The following DLG5 variants were observed in gnomAD, a reference collection of about 807,000 sequenced individuals.
DLG5 encodes the protein disks large homolog 5.
In DLG5, 48 loss-of-function variants were observed where a neutral mutation model predicts 189.8. The ratio of observed to expected loss-of-function variants is 0.25; its 90% CI spans 0.20 to 0.32. The LOEUF (loss-of-function observed/expected upper bound fraction) is 0.32. DLG5 is among the 10% of genes least tolerant of loss of function. DLG5 has a pLI of 1.00. For missense variants in DLG5, 2,160 were observed against 2,544.7 expected (o/e 0.85, Z 3.25); for synonymous variants, 1,016 against 1,054.1 (o/e 0.96, Z 0.70).
At chr10:77,829,298 C>G in intron 12 of DLG5, 57 bp downstream of exon 12, 1 of 1,609,380 alleles carries the variant, frequency 6.2e-7, no homozygotes, top group Non-Finnish European at 8.5e-7. Context: ...CGGCCCCTGT[C>G]CACAAAAAAG....
chr10:77,865,972 G>A (rs1844664293), intron 2 of DLG5, among the ~76,000 whole-genome samples: 2 of 152,162 alleles, frequency 1.3e-5, no homozygotes, highest in African/African-American at 2.4e-5. Context: ...TTTCCCAGCC[G>A]TTTCCATTTA....
chr10:77,818,394 G>A (rs1842170398), intron 17 of DLG5, among the ~76,000 whole-genome samples: 1 of 152,204 alleles, frequency 6.6e-6, no homozygotes, highest in African/African-American at 2.4e-5. Flanking sequence ...ATGTAATGAG[G>A]TGACATCTCT....
At chr10:77,868,703 A>G (rs961518140) in intron 2 of DLG5, 3 of 231,168 alleles carry the variant, frequency 1.3e-5, no homozygotes, top group Non-Finnish European at 2.6e-5. Context: ...GGCTGGCCTC[A>G]TTTTATGGGC....
intron 3 of DLG5, among the ~76,000 whole-genome samples, chr10:77,855,818 C>G (rs1844202004): frequency 6.6e-6 from 1 of 152,170 alleles, no homozygotes; most frequent in Non-Finnish European, 1.5e-5. Flanking sequence ...AGTGTTTACA[C>G]CAAGCCCCCC....
At chr10:77,833,676 C>A (rs1456756762) in intron 9 of DLG5, among the ~76,000 whole-genome samples, 1 of 152,332 alleles carries the variant, frequency 6.6e-6, no homozygotes. Context: ...TGGTGCCTGC[C>A]CTGTGTCTAA....
intron 5 of DLG5, chr10:77,846,832 C>A: frequency 2.4e-6 from 1 of 416,136 alleles, no homozygotes; most frequent in Non-Finnish European, 4.8e-6. Flanking sequence ...CACAAGGTGG[C>A]AGCCGCGGGG....
intron 21 of DLG5, 41 bp downstream of exon 21, chr10:77,812,174 G>C: frequency 6.2e-7 from 1 of 1,601,650 alleles, no homozygotes; most frequent in Non-Finnish European, 8.5e-7. Context: ...AAGAAGTGCA[G>C]GTTTCCATGG....
In DLG5 at chr10:77,834,021, C is replaced by A; in HGVS notation, c.1641G>T (p.Leu547=). The A allele has an allele frequency of 6.2e-7, 1 of 1,609,690 alleles. No homozygotes were observed. Among genetic ancestry groups the A allele is most frequent in the South Asian group, 1.1e-5 (1 of 91,038 alleles). Residue 547 remains leucine, a synonymous_variant, in exon 9 of 32, where the codon CTG becomes CTT. Transcript: ENST00000372391. ...RDSIRTLCDN[L]RRERDRAVSE... ...TCACCGCACGGTCCCGCTCCCGCCT[C>A]AGGTTGTCACACAGTGTCCTGGTGG...
intron 5 of DLG5, among the ~76,000 whole-genome samples, chr10:77,845,691 T>C (rs1266460249): frequency 2.7e-5 from 4 of 150,230 alleles, no homozygotes; most frequent in South Asian, 2.1e-4. Context: ...GGAGGGAGGA[T>C]TGGTTCATTT....
chr10:77,859,808 G>A (rs1844401908), intron 2 of DLG5, among the ~76,000 whole-genome samples: 1 of 152,214 alleles, frequency 6.6e-6, no homozygotes, highest in African/African-American at 2.4e-5. Flanking sequence ...CACCTTTGGG[G>A]TCAAAATATT....
intron 15 of DLG5, chr10:77,820,867 T>C: frequency 1.7e-6 from 1 of 573,282 alleles, no homozygotes; most frequent in Non-Finnish European, 3.0e-6. Context: ...CAATAAAGTG[T>C]TCCCCTCTTG....
At position 77,926,327 on chromosome 10, in the gene DLG5, C is replaced by A; in HGVS notation, c.194G>T (p.Arg65Leu). The change falls in exon 1 of 32, where the codon CGG (arginine) becomes CTG (leucine). Residue 65 changes from arginine to leucine, a missense_variant. Physicochemically the swap from Arg to Leu is moderately radical, Grantham distance 102 (BLOSUM62 -2). Around this residue, in one of 5 missense-constraint regions of DLG5, gnomAD observed 664 missense variants for 838.5 expected, o/e 0.79. Transcript: ENST00000372391. This position sits in a 1 kb window ranked among gnomAD's most constrained non-coding sequence, Gnocchi z 5.2. ...CGCCCGCAGGTCCTGGAAGTGGTCCCGCTCCTTGGCCAAGAGCAGCTTGAG... is the reference window on the plus strand; with the variant it reads ...CGCCCGCAGGTCCTGGAAGTGGTCCAGCTCCTTGGCCAAGAGCAGCTTGAG... ...LLLKLLLAKE[R>L]DHFQDLRAAL... The A allele has an allele frequency of 6.2e-7, 1 of 1,604,152 alleles. No homozygotes were observed. Among genetic ancestry groups the A allele is most frequent in the Non-Finnish European group, 8.5e-7 (1 of 1,176,528 alleles).
Position 77,811,117 on chromosome 10 carries a change from G to T in DLG5, c.4440C>A (p.Pro1480=), listed in dbSNP as rs759801002. 3.7e-6 allele frequency: 6 copies of T among 1,612,130 alleles called. No individual in the cohort carries two copies. The highest frequency in any genetic ancestry group is 4.5e-5 in the East Asian group (2 of 44,834). Residue 1480 remains proline, a synonymous_variant, in exon 23 of 32, where the codon CCC becomes CCA. Transcript: ENST00000372391. ...ACCTGGAGCTGCTCTGCTTGGCTGGGGGGGTGCTAGGCCCCTCGTCCTGCT... is the reference window on the plus strand; with the variant it reads ...ACCTGGAGCTGCTCTGCTTGGCTGGTGGGGTGCTAGGCCCCTCGTCCTGCT... ...LMEQDEGPST[P]PAKQSSSRIA...
intron 1 of DLG5, among the ~76,000 whole-genome samples, chr10:77,916,147 G>C (rs969921972): frequency 2.6e-5 from 4 of 152,092 alleles, no homozygotes; most frequent in Non-Finnish European, 4.4e-5. Context: ...TTGAGCCCAG[G>C]AGGTTGAGGC....
rs139360334 is a variant in DLG5 at position 77,819,921 on chromosome 10, G to T, written c.3500C>A (p.Pro1167Gln). 1 of 1,600,692 alleles carries T rather than the reference G, an allele frequency of 6.2e-7. No homozygotes were observed. ...PGHSSRHSNP[P>Q]LYPSRPSVGT... Reference sequence around the variant, plus strand: ...CACAGACGGCCTGCTAGGGTATAGCGGGGGGTTGCTGTGCCGGCTGGAATG... The same window carrying T: ...CACAGACGGCCTGCTAGGGTATAGCTGGGGGTTGCTGTGCCGGCTGGAATG... Residue 1167 changes from proline to glutamine, a missense_variant, in exon 16 of 32, where the codon CCG (proline) becomes CAG (glutamine). This residue lies in a region of DLG5 where 754 missense variants were observed against 746.5 expected (regional missense o/e 1.01). Transcript: ENST00000372391.
At chr10:77,924,483 A>T (rs1846627748) in intron 1 of DLG5, among the ~76,000 whole-genome samples, 1 of 152,224 alleles carries the variant, frequency 6.6e-6, no homozygotes, top group Non-Finnish European at 1.5e-5. Flanking sequence ...ATGCTTCCCA[A>T]CGCAGACTTC....
intron 2 of DLG5, among the ~76,000 whole-genome samples, chr10:77,866,642 T>C (rs1686460980): frequency 6.6e-6 from 1 of 151,856 alleles, no homozygotes; most frequent in East Asian, 1.9e-4. Flanking sequence ...GTGGCGCCCA[T>C]ACTGGACACT....
At chr10:77,916,494 T>C (rs968429997) in intron 1 of DLG5, among the ~76,000 whole-genome samples, 3 of 151,594 alleles carry the variant, frequency 2.0e-5, no homozygotes, top group Admixed American at 6.6e-5. Flanking sequence ...GGTTTCATCA[T>C]GTTGGCCAGC....
chr10:77,825,799 C>T (rs1842606268), intron 13 of DLG5, among the ~76,000 whole-genome samples: 1 of 152,106 alleles, frequency 6.6e-6, no homozygotes, highest in African/African-American at 2.4e-5. Flanking sequence ...TAAGGCAATC[C>T]ACCCGCCTCG....
Sources: gnomAD v4.1 joint callset for allele counts (sites outside exome capture counted in the v4.1 genomes callset) on GRCh38, gnomAD v4.1.1 for gene constraint, gnomAD v4.1.1 regional missense constraint, Gnocchi (gnomAD v3.1) non-coding constraint, MANE v1.5 for transcripts, NCBI Gene and HGNC (gene_info 2026-07-23, HGNC 2026-07-21) for gene names.